CALN1: variants seen among roughly 807,000 people sequenced by gnomAD.
The protein encoded by CALN1 is calcium-binding protein 8.
CALN1 carries 17 observed loss-of-function variants against 30.6 expected under a neutral mutation model. The observed-to-expected ratio is 0.56, with a 90% CI of 0.38 to 0.83. The LOEUF is 0.83. Among genes scored for constraint, CALN1 ranks in the 40% least tolerant of loss-of-function variants. The pLI, the probability that CALN1 is intolerant of heterozygous loss-of-function variation, is 0.00. For synonymous variants in CALN1, 156 were observed against 131.4 expected (o/e 1.19, Z -1.28); for missense variants, 291 against 354.9 (o/e 0.82, Z 1.45).
At chr7:72,042,229 C>T (rs570826254) in intron 4 of CALN1, among the ~76,000 whole-genome samples, 5 of 152,272 alleles carry the variant, frequency 3.3e-5, no homozygotes, top group African/African-American at 9.6e-5. Context: ...GTTGGAGGAA[C>T]CCCCAAGACC....
In CALN1 at chr7:71,785,077, C is replaced by T. The variant is rs564332515; in HGVS notation, c.*2698G>A. ...TGCCGCTAGCTCAGGGCCGTCTCCA[C>T]GCACTGTGTCCTTCAGTCCCTGGGT... On this transcript the variant is annotated 3_prime_UTR_variant, in exon 7 of 7. Transcript: ENST00000395275. 11 of 390,322 alleles carry T rather than the reference C, an allele frequency of 2.8e-5. No homozygotes were observed. Among genetic ancestry groups the T allele is most frequent in the Admixed American group, 1.8e-4 (4 of 22,416 alleles). 24.2% of individuals were successfully genotyped at this position (390,322 alleles called of 1,614,324 possible). A position where few individuals can be genotyped will look rare whatever the true frequency, so the allele number is the denominator to read the frequency against.
intron 2 of CALN1, among the ~76,000 whole-genome samples, chr7:72,379,377 T>G (rs1214909684): frequency 6.6e-6 from 1 of 152,236 alleles, no homozygotes; most frequent in Non-Finnish European, 1.5e-5. Flanking sequence ...GTATATCCAA[T>G]TAATGGCAAT....
intron 5 of CALN1, among the ~76,000 whole-genome samples, chr7:71,837,970 G>A (rs1312056423): frequency 2.0e-5 from 3 of 151,952 alleles, no homozygotes; most frequent in East Asian, 1.9e-4. Context: ...ATTTAAATGG[G>A]GGCAGAGTTC....
intron 1 of CALN1, among the ~76,000 whole-genome samples, chr7:72,406,220 A>T (rs6460723): frequency 0.16 from 24,529 of 152,154 alleles, 2,785 homozygotes; most frequent in African/African-American, 0.29. Flanking sequence ...GAAGCCAAGC[A>T]GCCCTGCACA....
chr7:72,325,620 CAA>C (rs1036939440), intron 2 of CALN1, among the ~76,000 whole-genome samples: 3 of 152,068 alleles, frequency 2.0e-5, no homozygotes, highest in Non-Finnish European at 4.4e-5. Flanking sequence ...ATAAATAAAA[CAA>C]GAGTGAAACT....
chr7:72,404,188 C>T (rs1252000702), intron 1 of CALN1, among the ~76,000 whole-genome samples: 2 of 152,148 alleles, frequency 1.3e-5, no homozygotes, highest in South Asian at 2.1e-4. Flanking sequence ...TGGGTTAAGG[C>T]ACCCCTCGTC....
At chr7:72,388,264 A>G (rs80102207) in intron 2 of CALN1, among the ~76,000 whole-genome samples, 2 of 152,104 alleles carry the variant, frequency 1.3e-5, no homozygotes, top group Non-Finnish European at 2.9e-5. Context: ...AATAAAATAC[A>G]ATTTTTTAAA....
Position 71,808,465 on chromosome 7 carries a change from G to A in CALN1, c.658+1871C>T, listed in dbSNP as rs189082495. 5.2e-3 allele frequency among the ~76,000 whole-genome samples: 793 copies of A among 151,538 alleles called. 11 individuals carry two copies. Among genetic ancestry groups the A allele is most frequent in the African/African-American group, 0.018 (762 of 41,358 alleles). On this transcript the variant is annotated intron_variant, in intron 6 of 6. Transcript: ENST00000395275. ...ATTAATAAATATAATTGCTATTAAC[G>A]ATCATTATATATTAATCATATTACA... is the stretch of plus-strand genomic sequence containing the variant.
At chr7:72,466,866 A>G in the CALN1 span, among the ~76,000 whole-genome samples, 5,814 of 150,272 alleles carry the variant, frequency 0.039, 369 homozygotes, top group African/African-American at 0.13. Flanking sequence ...AAGAGAAAGA[A>G]AAAGAAAGAA....
chr7:72,011,359 G>A (rs1356575511), intron 5 of CALN1, among the ~76,000 whole-genome samples: 1 of 152,096 alleles, frequency 6.6e-6, no homozygotes, highest in African/African-American at 2.4e-5. Flanking sequence ...TCAGGTGGCT[G>A]TAGCCACCTC....
chr7:72,342,084 C>T (rs1388104374), intron 2 of CALN1, among the ~76,000 whole-genome samples: 1 of 151,798 alleles, frequency 6.6e-6, no homozygotes, highest in East Asian at 1.9e-4. Context: ...AGGGAGACCC[C>T]ATCTCTACAA....
chr7:72,115,812 C>A (rs1807944482), intron 3 of CALN1, among the ~76,000 whole-genome samples: 1 of 151,824 alleles, frequency 6.6e-6, no homozygotes, highest in Non-Finnish European at 1.5e-5. Context: ...ATTTCCATCC[C>A]CCACCTTCTC....
intron 4 of CALN1, among the ~76,000 whole-genome samples, chr7:72,071,605 T>C (rs1804400448): frequency 6.6e-6 from 1 of 152,168 alleles, no homozygotes; most frequent in Non-Finnish European, 1.5e-5. Context: ...AGACAGCCTA[T>C]GACAATTAAA....
At chr7:72,468,491 T>C in the CALN1 span, among the ~76,000 whole-genome samples, 1 of 152,148 alleles carries the variant, frequency 6.6e-6, no homozygotes, top group Admixed American at 6.5e-5. Context: ...TTTTTGTATT[T>C]TGTGTAGAGA....
At chr7:72,295,423 G>C (rs1264942149) in intron 2 of CALN1, among the ~76,000 whole-genome samples, 1 of 152,026 alleles carries the variant, frequency 6.6e-6, no homozygotes, top group Non-Finnish European at 1.5e-5. Context: ...GCTTGATGGG[G>C]ATGGCATTGA....
intron 3 of CALN1, among the ~76,000 whole-genome samples, chr7:72,140,799 A>G (rs1477364570): frequency 1.3e-5 from 2 of 152,210 alleles, no homozygotes; most frequent in African/African-American, 4.8e-5. Flanking sequence ...CCAGGACAGG[A>G]GAGAATGTGT....
rs547456441 is a variant in CALN1 at position 72,285,329 on chromosome 7, C to T, written c.120-6519G>A. On this transcript the variant is annotated intron_variant, in intron 2 of 6. Transcript: ENST00000395275. ...GCACGATCTCAGCCACTGCAAGCTC[C>T]GCCTCCCGGGTTCATGCCATTCTCC... Among the ~76,000 whole-genome samples, 336 of 152,252 alleles carry T rather than the reference C, an allele frequency of 2.2e-3. 2 individuals are homozygous for T. Among genetic ancestry groups the T allele is most frequent in the African/African-American group, 7.6e-3 (316 of 41,552 alleles).
chr7:72,065,148 A>ATAT (rs1803936124), intron 4 of CALN1, among the ~76,000 whole-genome samples: 2 of 116,346 alleles, frequency 1.7e-5, no homozygotes, highest in East Asian at 3.0e-4. Flanking sequence ...ATTTTAAAAT[A>ATAT]TTAATATTAA....
intron 3 of CALN1, among the ~76,000 whole-genome samples, chr7:72,184,501 C>CT (rs1790044230): frequency 6.6e-6 from 1 of 152,178 alleles, no homozygotes; most frequent in Non-Finnish European, 1.5e-5. Flanking sequence ...AGTTAAGGTG[C>CT]TTGACACAGT....
Sources: gnomAD v4.1 joint callset for allele counts (sites outside exome capture counted in the v4.1 genomes callset) on GRCh38, gnomAD v4.1.1 for gene constraint, MANE v1.5 for transcripts, NCBI Gene and HGNC (gene_info 2026-07-23, HGNC 2026-07-21) for gene names.